The following SMC5 variants were observed in gnomAD, a reference collection of about 807,000 sequenced individuals.
SMC5 encodes the protein structural maintenance of chromosomes protein 5.
Under a neutral mutation model 148.3 loss-of-function variants are expected in SMC5, and 88 were observed. The observed-to-expected ratio is 0.59, with a 90% CI of 0.50 to 0.71. The LOEUF is 0.71. Ranked by LOEUF, SMC5 falls within the 30% of genes least tolerant of loss-of-function variation. The pLI, the probability that SMC5 is intolerant of heterozygous loss-of-function variation, is 0.00. For synonymous variants in SMC5, 421 were observed against 432.8 expected, an observed-to-expected ratio of 0.97 and a Z score of 0.34; for missense variants, 1,142 against 1,298.9, an observed-to-expected ratio of 0.88 and a Z score of 1.86.
chr9:70,274,045 C>T (rs1409782425), intron 3 of SMC5, among the ~76,000 whole-genome samples: 1 of 152,202 alleles, frequency 6.6e-6, no homozygotes, highest in Non-Finnish European at 1.5e-5. Context: ...CTTGTCCTGT[C>T]AATTTTCGCC....
At chr9:70,351,847 G>A (rs1171998575) in intron 24 of SMC5, among the ~76,000 whole-genome samples, 1 of 152,098 alleles carries the variant, frequency 6.6e-6, no homozygotes, top group Non-Finnish European at 1.5e-5. Context: ...AAGCCAAGGC[G>A]GGCAGATCAC....
chr9:70,346,647 A>C lies in SMC5; in HGVS notation c.2566A>C (p.Met856Leu). ...AAATGGACACAACTCCTCACTCCCC[A>C]TGGTATGCAGTACTCATTCTTTTTT... Reference protein sequence around the residue: ...IPNGHNSSLPMVFQDLPNTLD... With the variant: ...IPNGHNSSLPLVFQDLPNTLD... The change falls in exon 19 of 25, where the codon ATG becomes CTG. Residue 856 changes from methionine (M) to leucine (L), a missense_variant and splice_region_variant. This residue lies in a region of SMC5 where 743 missense variants were observed against 835.7 expected (regional missense o/e 0.89). Transcript: ENST00000361138. 1 of 1,613,884 alleles carries C rather than the reference A, an allele frequency of 6.2e-7. No individual in the cohort carries two copies. The highest frequency in any genetic ancestry group is 8.5e-7 in the Non-Finnish European group (1 of 1,179,844).
intron 3 of SMC5, among the ~76,000 whole-genome samples, chr9:70,276,012 G>T (rs895946918): frequency 4.6e-5 from 7 of 152,094 alleles, no homozygotes; most frequent in African/African-American, 1.7e-4. Flanking sequence ...TGTTTGTAGC[G>T]AACTACTCTT....
rs565041672 is a variant in SMC5, at chr9:70,291,685, G to C, written c.1053+5414G>C. 2.6e-5 allele frequency among the ~76,000 whole-genome samples: 4 copies of C among 152,272 alleles called. No individual in the cohort carries two copies. The South Asian group carries it at 8.3e-4, about 32-fold the overall frequency. On this transcript the variant is annotated intron_variant, in intron 8 of 24. Coordinates refer to ENST00000361138, the MANE Select transcript of SMC5 (RefSeq NM_015110.4). ...TTGCTTCTGATTGTTTTTGACAAATGCATCCAAGGAAAAGGCTGTTTTGCA... is the reference window on the plus strand; with the variant it reads ...TTGCTTCTGATTGTTTTTGACAAATCCATCCAAGGAAAAGGCTGTTTTGCA...
At chr9:70,298,247 A>G (rs372700001) in intron 9 of SMC5, 26 bp downstream of exon 9, 12 of 1,592,828 alleles carry the variant, frequency 7.5e-6, no homozygotes, top group Middle Eastern at 1.7e-4. Flanking sequence ...TTAGAATGAA[A>G]TGTTTATAAA....
intron 3 of SMC5, among the ~76,000 whole-genome samples, chr9:70,276,944 T>C (rs1246702301): frequency 6.6e-6 from 1 of 152,152 alleles, no homozygotes; most frequent in Non-Finnish European, 1.5e-5. Flanking sequence ...TACCCTTTAA[T>C]ATACTAACAC....
At chr9:70,324,209 C>T (rs75635030) in intron 17 of SMC5, 66 bp downstream of exon 17, 70,974 of 1,454,666 alleles carry the variant, frequency 0.049, 1,975 homozygotes, top group Non-Finnish European at 0.059. Flanking sequence ...AAATATATAT[C>T]GTGTCATCAC....
intron 22 of SMC5, among the ~76,000 whole-genome samples, chr9:70,349,748 A>G (rs1287337955): frequency 6.6e-6 from 1 of 152,150 alleles, no homozygotes; most frequent in Non-Finnish European, 1.5e-5. Flanking sequence ...AGAACCTAGC[A>G]TTTTGGAACT....
At chr9:70,307,926 A>G (rs1328651684) in intron 11 of SMC5, among the ~76,000 whole-genome samples, 2 of 152,152 alleles carry the variant, frequency 1.3e-5, no homozygotes, top group African/African-American at 4.8e-5. Flanking sequence ...TCTTTTTGCC[A>G]TAGTAAGATG....
At chr9:70,268,040 CTGA>C in intron 3 of SMC5, 65 bp downstream of exon 3, 1 of 1,278,440 alleles carries the variant, frequency 7.8e-7, no homozygotes, top group Non-Finnish European at 1.1e-6. Context: ...TCATGTTTTC[CTGA>C]TGATTAGAAA....
chr9:70,264,858 G>T (rs1050461292), intron 2 of SMC5, among the ~76,000 whole-genome samples: 1 of 152,102 alleles, frequency 6.6e-6, no homozygotes, highest in Non-Finnish European at 1.5e-5. Flanking sequence ...CACCTAGATG[G>T]GTTAGCCTAC....
At chr9:70,334,991 A>G (rs1379266594) in intron 17 of SMC5, among the ~76,000 whole-genome samples, 1 of 152,222 alleles carries the variant, frequency 6.6e-6, no homozygotes, top group African/African-American at 2.4e-5. Context: ...CTAAAATTTT[A>G]AAAGACTGAT....
At chr9:70,284,828 A>G (rs980507736) in intron 7 of SMC5, among the ~76,000 whole-genome samples, 1 of 152,200 alleles carries the variant, frequency 6.6e-6, no homozygotes, top group African/African-American at 2.4e-5. Flanking sequence ...TTTGTTTAAT[A>G]TTCATGCTGT....
At chr9:70,337,446 ATTTG>A (rs1237960496) in intron 17 of SMC5, among the ~76,000 whole-genome samples, 2 of 70,398 alleles carry the variant, frequency 2.8e-5, no homozygotes, top group Admixed American at 2.4e-4. Flanking sequence ...GTGTTTTGGG[ATTTG>A]TTTTTTTTTT....
chr9:70,326,450 T>C (rs1477067910), intron 17 of SMC5, among the ~76,000 whole-genome samples: 1 of 152,092 alleles, frequency 6.6e-6, no homozygotes, highest in Non-Finnish European at 1.5e-5. Flanking sequence ...CTCAATATGC[T>C]GCTATGCAGT....
intron 15 of SMC5, 31 bp downstream of exon 15, chr9:70,318,994 A>G: frequency 7.7e-6 from 12 of 1,567,232 alleles, no homozygotes; most frequent in Non-Finnish European, 1.0e-5. Flanking sequence ...GGGGGAGAGC[A>G]CAAATTACTG....
chr9:70,330,033 C>T (rs1483011698), intron 17 of SMC5, among the ~76,000 whole-genome samples: 1 of 152,068 alleles, frequency 6.6e-6, no homozygotes, highest in African/African-American at 2.4e-5. Context: ...AGGAAATCCA[C>T]CCTCATGAGC....
chr9:70,277,245 A>C lies in SMC5; in HGVS notation c.381-65A>C, dbSNP rs1302916216. 6.0e-6 allele frequency: 7 copies of C among 1,168,700 alleles called. No individual in the cohort carries two copies. The Middle Eastern group carries it at 1.3e-3, about 209-fold the overall frequency. The allele number at this position is 1,168,700 out of a possible 1,614,324, so 72.4% of individuals were successfully genotyped here. A position where few individuals can be genotyped will look rare whatever the true frequency, so the allele number is the denominator to read the frequency against. On this transcript the variant is annotated intron_variant, in intron 3 of 24. Coordinates refer to ENST00000361138, the MANE Select transcript of SMC5 (RefSeq NM_015110.4). The stretch of plus-strand genomic sequence containing the variant: ...ACCTTTTGTGCAAGAGAATTTTGGG[A>C]ATTTTATTTCTAAACTAATGTATAT...
intron 24 of SMC5, among the ~76,000 whole-genome samples, chr9:70,351,547 T>C (rs1215088489): frequency 6.6e-6 from 1 of 152,108 alleles, no homozygotes; most frequent in African/African-American, 2.4e-5. Context: ...TCAAAGAAGT[T>C]GCTTGAGAAG....
Sources: gnomAD v4.1 joint callset for allele counts (sites outside exome capture counted in the v4.1 genomes callset) on GRCh38, gnomAD v4.1.1 for gene constraint, gnomAD v4.1.1 regional missense constraint, MANE v1.5 for transcripts, NCBI Gene and HGNC (gene_info 2026-07-23, HGNC 2026-07-21) for gene names.